Variants in CDH11 observed in about 807,000 individuals in gnomAD.
The protein encoded by CDH11 is cadherin-11.
CDH11 carries 11 observed loss-of-function variants against 67.8 expected under a neutral mutation model. That is an observed-to-expected ratio of 0.16 (90% CI 0.10 to 0.27). The LOEUF (loss-of-function observed/expected upper bound fraction) is 0.27, where lower values mean the gene tolerates loss of function less well. CDH11 is among the 10% of genes least tolerant of loss of function. The probability of loss-of-function intolerance (pLI) is 1.00; values close to 1 mark genes in which losing one functional copy is unlikely to be tolerated. For synonymous variants in CDH11, 419 were observed against 400.0 expected (o/e 1.05, Z -0.57); for missense variants, 847 against 1,031.2 (o/e 0.82, Z 2.45).
At chr16:65,062,691 CA>C (rs1193543872) in intron 1 of CDH11, among the ~76,000 whole-genome samples, 1 of 152,182 alleles carries the variant, frequency 6.6e-6, no homozygotes, top group Non-Finnish European at 1.5e-5. Context: ...ATAAACTCCA[CA>C]GGGATAAGAA....
rs1483626569 is a variant in CDH11 at position 65,103,505 on chromosome 16, A to T, written c.-298+18375T>A. Among the ~76,000 whole-genome samples, 8 of 152,218 alleles carry T rather than the reference A, an allele frequency of 5.3e-5. 1 individual carries two copies. Among genetic ancestry groups the T allele is most frequent in the Admixed American group, 5.2e-4 (8 of 15,284 alleles). ...CAAGCTCTACATTTTACTAGCTTATATGATGGCAAGCATGTTATGTAATCC... is the reference window on the plus strand; with the variant it reads ...CAAGCTCTACATTTTACTAGCTTATTTGATGGCAAGCATGTTATGTAATCC... On this transcript the variant is annotated intron_variant, in intron 1 of 12. Transcript: ENST00000268603.
At chr16:64,984,118 TAGTC>T (rs1293430266) in intron 7 of CDH11, among the ~76,000 whole-genome samples, 2 of 152,200 alleles carry the variant, frequency 1.3e-5, no homozygotes, top group African/African-American at 4.8e-5. Context: ...CCAAGTCTGG[TAGTC>T]AGTTCAAGCC....
intron 1 of CDH11, among the ~76,000 whole-genome samples, chr16:65,106,628 T>C (rs768170367): frequency 1.8e-4 from 28 of 152,196 alleles, no homozygotes; most frequent in Non-Finnish European, 3.5e-4. Context: ...ATAGTACCTA[T>C]TGATGGACAA....
Position 64,964,532 on chromosome 16 carries a change from C to CTTATTTAT in CDH11, c.1642+7039_1642+7046dup, listed in dbSNP as rs200524342. Among the ~76,000 whole-genome samples, 127 of 151,244 alleles carry CTTATTTAT rather than the reference C, an allele frequency of 8.4e-4. 1 individual carries two copies. The highest frequency in any genetic ancestry group is 3.4e-3 in the Middle Eastern group (1 of 292). ...GGACGTTACCTTACACTACTGTAGA[C>CTTATTTAT]TTATTTATTTATTTATTTATTTATT... On this transcript the variant is annotated intron_variant, in intron 11 of 12. Coordinates refer to ENST00000268603, the MANE Select transcript of CDH11 (RefSeq NM_001797.4).
chr16:65,047,747 A>G (rs1249821166), intron 2 of CDH11, among the ~76,000 whole-genome samples: 15 of 152,214 alleles, frequency 9.9e-5, no homozygotes, highest in Admixed American at 9.8e-4. Flanking sequence ...CAAATATTTC[A>G]TGGGACATCC....
In CDH11 at chr16:64,945,491, C is replaced by T. The variant is rs1020951972; in HGVS notation, c.*2112G>A. The stretch of plus-strand genomic sequence containing the variant: ...TTACAGCTGTATACTTATTTAAATG[C>T]TATTCATATTCCTTTTGAGTTATTT... On this transcript the variant is annotated 3_prime_UTR_variant, in exon 13 of 13. Transcript: ENST00000268603. 2 of 1,033,740 alleles carry T rather than the reference C, an allele frequency of 1.9e-6. No homozygotes were observed. Among genetic ancestry groups the T allele is most frequent in the Non-Finnish European group, 2.3e-6 (2 of 859,020 alleles). 64.0% of individuals were successfully genotyped at this position (1,033,740 alleles called of 1,614,324 possible). A position where few individuals can be genotyped will look rare whatever the true frequency, so the allele number is the denominator to read the frequency against.
At chr16:65,011,191 A>G (rs996019328) in intron 2 of CDH11, among the ~76,000 whole-genome samples, 1 of 151,126 alleles carries the variant, frequency 6.6e-6, no homozygotes, top group Admixed American at 6.6e-5. Context: ...TATGTAACCC[A>G]CCCAAGTACA....
chr16:65,078,442 C>T (rs1597166693), intron 1 of CDH11, among the ~76,000 whole-genome samples: 3 of 152,286 alleles, frequency 2.0e-5, no homozygotes, highest in East Asian at 1.9e-4. Flanking sequence ...TCAGCGAAGA[C>T]ACTACTTCGT....
At chr16:64,955,193 C>T (rs1363500060) in intron 11 of CDH11, among the ~76,000 whole-genome samples, 2 of 152,044 alleles carry the variant, frequency 1.3e-5, no homozygotes, top group Non-Finnish European at 2.9e-5. Flanking sequence ...TTGCAGTGAG[C>T]CGAGATCACG....
intron 1 of CDH11, among the ~76,000 whole-genome samples, chr16:65,062,849 G>A (rs942052717): frequency 6.6e-6 from 1 of 152,208 alleles, no homozygotes; most frequent in South Asian, 2.1e-4. Flanking sequence ...TGCTTCTGAA[G>A]GGCTGCAGTA....
At chr16:65,096,421 G>GTC (rs1311388835) in intron 1 of CDH11, among the ~76,000 whole-genome samples, 3 of 143,918 alleles carry the variant, frequency 2.1e-5, no homozygotes, top group African/African-American at 8.1e-5. Flanking sequence ...GTGTGTGTGT[G>GTC]TGTGTGTGTG....
At chr16:65,010,434 G>T (rs1056205830) in intron 2 of CDH11, among the ~76,000 whole-genome samples, 4 of 152,086 alleles carry the variant, frequency 2.6e-5, no homozygotes, top group Admixed American at 6.6e-5. Flanking sequence ...GAGAATAGGG[G>T]AGAAGAAGTA....
chr16:64,982,158 A>AG lies in CDH11; in HGVS notation c.1142dup (p.Met382TyrfsTer30), dbSNP rs2142459419. The AG allele has an allele frequency of 6.2e-7, 1 of 1,614,036 alleles. No individual in the cohort carries two copies. ...GGATGTAACTTGGGGCCAAGAACAT[A>AG]GGGGGCTCATCAGCATCTTCTACTG... On this transcript the variant is annotated frameshift_variant, in exon 8 of 13. Coordinates refer to ENST00000268603, the MANE Select transcript of CDH11 (RefSeq NM_001797.4). LOFTEE classifies it high-confidence loss of function.
At chr16:65,043,949 T>C (rs2073910245) in intron 2 of CDH11, among the ~76,000 whole-genome samples, 3 of 152,126 alleles carry the variant, frequency 2.0e-5, no homozygotes, top group Admixed American at 2.0e-4. Flanking sequence ...TTTATTCTTC[T>C]ATGGAATGGG....
intron 7 of CDH11, chr16:64,986,793 T>G (rs1030002563): frequency 2.6e-5 from 4 of 152,168 alleles, no homozygotes; most frequent in Non-Finnish European, 1.5e-5. Flanking sequence ...TTTCTTTTTT[T>G]ATAACAATCA....
chr16:65,113,938 T>A (rs1189929265), intron 1 of CDH11, among the ~76,000 whole-genome samples: 1 of 152,104 alleles, frequency 6.6e-6, no homozygotes, highest in Non-Finnish European at 1.5e-5. Context: ...ACTAACAAAG[T>A]GTTCAATAAA....
chr16:64,979,539 C>T (rs1351838868), intron 8 of CDH11, among the ~76,000 whole-genome samples: 1 of 151,934 alleles, frequency 6.6e-6, no homozygotes, highest in Non-Finnish European at 1.5e-5. Context: ...CATTTCATAC[C>T]CACTATGATA....
At chr16:65,076,943 G>A (rs566034133) in intron 1 of CDH11, among the ~76,000 whole-genome samples, 4 of 152,108 alleles carry the variant, frequency 2.6e-5, no homozygotes, top group East Asian at 1.9e-4. Flanking sequence ...CCGAGACACC[G>A]AAGCAGGGAG....
At chr16:65,074,549 T>C (rs764702811) in intron 1 of CDH11, among the ~76,000 whole-genome samples, 18 of 152,266 alleles carry the variant, frequency 1.2e-4, no homozygotes, top group Middle Eastern at 3.4e-3. Context: ...CATGACTTTT[T>C]CCAAAGTCCC....
Sources: gnomAD v4.1 joint callset for allele counts (sites outside exome capture counted in the v4.1 genomes callset) on GRCh38, gnomAD v4.1.1 for gene constraint, MANE v1.5 for transcripts, NCBI Gene and HGNC (gene_info 2026-07-23, HGNC 2026-07-21) for gene names.